The following ADAMTS2 variants were observed in gnomAD, a reference collection of about 807,000 sequenced individuals.
ADAMTS2 encodes ADAM metallopeptidase with thrombospondin type 1 motif 2, also known as A disintegrin and metalloproteinase with thrombospondin motifs 2.
ADAMTS2 carries 50 observed loss-of-function variants against 123.0 expected under a neutral mutation model. The ratio of observed to expected loss-of-function variants is 0.41; its 90% CI spans 0.32 to 0.51. The LOEUF (loss-of-function observed/expected upper bound fraction) is 0.51. ADAMTS2 is among the 20% of genes least tolerant of loss of function. The probability of loss-of-function intolerance (pLI) is 0.35; values close to 1 mark genes in which losing one functional copy is unlikely to be tolerated. For synonymous variants in ADAMTS2, 678 were observed against 695.4 expected, an observed-to-expected ratio of 0.98 and a Z score of 0.39; for missense variants, 1,494 against 1,705.2, an observed-to-expected ratio of 0.88 and a Z score of 2.18.
At chr5:179,200,064 A>AT (rs1300642304) in intron 4 of ADAMTS2, among the ~76,000 whole-genome samples, 1 of 151,772 alleles carries the variant, frequency 6.6e-6, no homozygotes, top group Non-Finnish European at 1.5e-5. Context: ...GCGATCCCAC[A>AT]TTTTCATTGT....
intron 3 of ADAMTS2, among the ~76,000 whole-genome samples, chr5:179,251,847 A>G (rs941271123): frequency 3.3e-5 from 5 of 151,866 alleles, no homozygotes; most frequent in African/African-American, 1.2e-4. Flanking sequence ...CAGATTACTG[A>G]CACTTTTTTT....
At chr5:179,259,000 C>G (rs1302887424) in intron 3 of ADAMTS2, among the ~76,000 whole-genome samples, 3 of 152,190 alleles carry the variant, frequency 2.0e-5, no homozygotes, top group East Asian at 1.9e-4. Context: ...TCCCTGCACA[C>G]AGGACAGCAG....
rs1268739834 is a variant in ADAMTS2 at position 179,272,676 on chromosome 5, T to G, written c.688+235A>C. On this transcript the variant is annotated intron_variant, in intron 3 of 21. Transcript: ENST00000251582. The surrounding 1 kb of genome is among the most constrained non-coding windows in gnomAD (Gnocchi z 5.8). ...GAGGCCCCAGACATGAAGGCAGAGG[T>G]GTCTGGGCTGCTTGTCACCCACATG... 6.6e-6 allele frequency among the ~76,000 whole-genome samples: 1 copy of G among 151,990 alleles called. No individual in the cohort carries two copies. The highest frequency in any genetic ancestry group is 1.5e-5 in the Non-Finnish European group (1 of 67,970).
At position 179,344,006 on chromosome 5, in the gene ADAMTS2, C is replaced by T. The variant is rs553818378; in HGVS notation, c.295G>A (p.Gly99Arg). 10 of 1,612,676 alleles carry T rather than the reference C, an allele frequency of 6.2e-6. No individual in the cohort carries two copies. In the Admixed American group the frequency reaches 1.0e-4, roughly 16 times the overall value. ...AAPVRTPSFP[G>R]GNEEEPGSHL... is the part of the protein sequence containing the mutation. Reference sequence around the variant, plus strand: ...CTGCCAGGCTCCTCCTCGTTGCCTCCGGGGAAGCTCGGGGTCCGGACCGGG... The same window carrying T: ...CTGCCAGGCTCCTCCTCGTTGCCTCTGGGGAAGCTCGGGGTCCGGACCGGG... The change falls in exon 2 of 22, where the codon GGA becomes AGA. Residue 99 changes from glycine to arginine, a missense_variant. Gly to Arg is a moderately radical substitution (Grantham distance 125). Coordinates refer to ENST00000251582, the MANE Select transcript of ADAMTS2 (RefSeq NM_014244.5).
intron 9 of ADAMTS2, 111 bp from the exon 10 acceptor site, chr5:179,152,366 T>C (rs1763378031): frequency 9.8e-7 from 1 of 1,025,104 alleles, no homozygotes; most frequent in African/African-American, 1.6e-5. Context: ...GACTGGCCCA[T>C]GATGGGCCCG....
rs1272291382 is a variant in ADAMTS2, at chr5:179,115,190, C to T, written c.3179-866G>A. Among the ~76,000 whole-genome samples, 1 of 152,156 alleles carries T rather than the reference C, an allele frequency of 6.6e-6. No individual in the cohort carries two copies. Among genetic ancestry groups the T allele is most frequent in the Non-Finnish European group, 1.5e-5 (1 of 68,030 alleles). On this transcript the variant is annotated intron_variant, in intron 21 of 21. Coordinates refer to ENST00000251582, the MANE Select transcript of ADAMTS2 (RefSeq NM_014244.5). This position sits in a 1 kb window ranked among gnomAD's most constrained non-coding sequence, Gnocchi z 4.4. ...CTCCACAGAAGCCACCATTATCTCT[C>T]ACTTTCCACCCAGCCATCTTCTCCC...
At chr5:179,173,967 C>T (rs1392105266) in intron 5 of ADAMTS2, among the ~76,000 whole-genome samples, 5 of 148,478 alleles carry the variant, frequency 3.4e-5, no homozygotes, top group Admixed American at 1.4e-4. Flanking sequence ...GAGCTGAGGT[C>T]GCGCCACTGC....
At position 179,128,758 on chromosome 5, in the gene ADAMTS2, C is replaced by T. The variant is rs1318107024; in HGVS notation, c.2458-640G>A. 6.6e-6 allele frequency among the ~76,000 whole-genome samples: 1 copy of T among 152,170 alleles called. No homozygotes were observed. The highest frequency in any genetic ancestry group is 1.5e-5 in the Non-Finnish European group (1 of 68,042). ...CTGTGATTCATTAACACTGAACTCACAGTCAATCGCACTGCAGCCCATGCC... is the reference window on the plus strand; with the variant it reads ...CTGTGATTCATTAACACTGAACTCATAGTCAATCGCACTGCAGCCCATGCC... On this transcript the variant is annotated intron_variant, in intron 16 of 21. Coordinates refer to ENST00000251582, the MANE Select transcript of ADAMTS2 (RefSeq NM_014244.5). The surrounding 1 kb of genome is among the most constrained non-coding windows in gnomAD (Gnocchi z 4.9).
At chr5:179,138,576 G>A (rs1401699472) in intron 11 of ADAMTS2, among the ~76,000 whole-genome samples, 1 of 152,258 alleles carries the variant, frequency 6.6e-6, no homozygotes. Context: ...TAAATGCCCA[G>A]CAATCTCTTT....
intron 2 of ADAMTS2, among the ~76,000 whole-genome samples, chr5:179,328,840 T>C (rs1231197162): frequency 2.6e-5 from 4 of 152,224 alleles, no homozygotes; most frequent in African/African-American, 7.2e-5. Context: ...TCAATCTTCT[T>C]ATTTCCGTGA....
chr5:179,273,878 C>T (rs931256844), intron 2 of ADAMTS2, among the ~76,000 whole-genome samples: 7 of 152,082 alleles, frequency 4.6e-5, no homozygotes, highest in African/African-American at 1.7e-4. Context: ...GGCTCTTGGC[C>T]TGCCCCACCC....
At position 179,307,597 on chromosome 5, in the gene ADAMTS2, G is replaced by C. The variant is rs1756716370; in HGVS notation, c.535-34533C>G. On this transcript the variant is annotated intron_variant, in intron 2 of 21. Transcript: ENST00000251582. This position sits in a 1 kb window ranked among gnomAD's most constrained non-coding sequence, Gnocchi z 5.6. The stretch of plus-strand genomic sequence containing the variant: ...TGAAACACGACTCAGACCTGTCACT[G>C]CCTGCCCAAAGCCCTCCAGCGGCTT... Among the ~76,000 whole-genome samples the C allele has an allele frequency of 6.6e-6, 1 of 152,104 alleles. No individual in the cohort carries two copies. The highest frequency in any genetic ancestry group is 2.1e-4 in the South Asian group (1 of 4,824).
At position 179,340,263 on chromosome 5, in the gene ADAMTS2, C is replaced by G. The variant is rs1177243257; in HGVS notation, c.534+3504G>C. Among the ~76,000 whole-genome samples the G allele has an allele frequency of 2.0e-5, 3 of 152,232 alleles. No homozygotes were observed. The East Asian group carries it at 5.8e-4, about 29-fold the overall frequency. On this transcript the variant is annotated intron_variant, in intron 2 of 21. Coordinates refer to ENST00000251582, the MANE Select transcript of ADAMTS2 (RefSeq NM_014244.5). ...GCTGCCCAGCCTGGCAGGAGAGGAT[C>G]CCCGTGCTGCCCTGAGTGGGGAGGC... is the stretch of plus-strand genomic sequence containing the variant.
At chr5:179,276,228 C>T (rs1766691810) in intron 2 of ADAMTS2, among the ~76,000 whole-genome samples, 1 of 152,184 alleles carries the variant, frequency 6.6e-6, no homozygotes, top group Admixed American at 6.5e-5. Context: ...GGGAAGAACA[C>T]AGCCAGGCCT....
rs1293485561 is a variant in ADAMTS2, at chr5:179,242,046, G to C, written c.688+30865C>G. Among the ~76,000 whole-genome samples the C allele has an allele frequency of 6.6e-6, 1 of 152,198 alleles. No homozygotes were observed. Among genetic ancestry groups the C allele is most frequent in the Non-Finnish European group, 1.5e-5 (1 of 68,036 alleles). ...CTCAGCACAGTGATTGGTCCAGGGG[G>C]TGAACACATGACTGGAGTGAGACTA... On this transcript the variant is annotated intron_variant, in intron 3 of 21. Transcript: ENST00000251582. This position sits in a 1 kb window ranked among gnomAD's most constrained non-coding sequence, Gnocchi z 4.2.
At chr5:179,238,919 T>C (rs892022373) in intron 3 of ADAMTS2, among the ~76,000 whole-genome samples, 4 of 151,146 alleles carry the variant, frequency 2.6e-5, no homozygotes, top group African/African-American at 9.8e-5. Context: ...TTACAGGAAA[T>C]GCCCCAGTAG....
At chr5:179,222,444 C>A (rs1449091900) in intron 3 of ADAMTS2, among the ~76,000 whole-genome samples, 1 of 152,212 alleles carries the variant, frequency 6.6e-6, no homozygotes, top group East Asian at 1.9e-4. Context: ...CCCAGGGCCA[C>A]CCTGAGAACC....
At chr5:179,221,802 C>A (rs1170734659) in intron 3 of ADAMTS2, among the ~76,000 whole-genome samples, 1 of 152,152 alleles carries the variant, frequency 6.6e-6, no homozygotes, top group Admixed American at 6.5e-5. Context: ...GCCCTCTCTC[C>A]CAGTGAGTGT....
chr5:179,159,956 C>G (rs997697072), intron 5 of ADAMTS2, among the ~76,000 whole-genome samples: 1 of 152,194 alleles, frequency 6.6e-6, no homozygotes, highest in Non-Finnish European at 1.5e-5. Context: ...GGTTTCTGTT[C>G]TCACCATAGA....
Sources: gnomAD v4.1 joint callset for allele counts (sites outside exome capture counted in the v4.1 genomes callset) on GRCh38, gnomAD v4.1.1 for gene constraint, Gnocchi (gnomAD v3.1) non-coding constraint, MANE v1.5 for transcripts, NCBI Gene and HGNC (gene_info 2026-07-23, HGNC 2026-07-21) for gene names.